The following MAST4 variants were observed in gnomAD, a reference collection of about 807,000 sequenced individuals.
MAST4 encodes microtubule associated serine/threonine kinase family member 4.
Under a neutral mutation model 162.7 loss-of-function variants are expected in MAST4, and 89 were observed. The ratio of observed to expected loss-of-function variants is 0.55; its 90% CI spans 0.46 to 0.65. The LOEUF is 0.65. Ranked by LOEUF, MAST4 falls within the 30% of genes least tolerant of loss-of-function variation. The pLI is 0.00. For synonymous variants in MAST4, 1,479 were observed against 1,361.1 expected, an observed-to-expected ratio of 1.09 and a Z score of -1.91; for missense variants, 3,153 against 3,374.0, an observed-to-expected ratio of 0.93 and a Z score of 1.62.
rs1175231127 is a variant in MAST4, at chr5:67,163,357, A to G, written c.4178A>G (p.Gln1393Arg). Reference sequence around the variant, plus strand: ...CCAACCCCGCAACCCACCTCCCCGCAGCGGTCACCATCCCCTCTTCTGGGA... The same window carrying G: ...CCAACCCCGCAACCCACCTCCCCGCGGCGGTCACCATCCCCTCTTCTGGGA... ...PSPTPQPTSP[Q>R]RSPSPLLGHS... The change falls in exon 29 of 29, where the codon CAG becomes CGG. Residue 1393 changes from glutamine (Q) to arginine (R), a missense_variant. Physicochemically the swap from Gln to Arg is conservative, Grantham distance 43 (BLOSUM62 1). This residue lies in a region of MAST4 where 619 missense variants were observed against 744.2 expected (regional missense o/e 0.83). Transcript: ENST00000403625. The surrounding 1 kb of genome is among the most constrained non-coding windows in gnomAD (Gnocchi z 7.0). 6 of 1,612,466 alleles carry G rather than the reference A, an allele frequency of 3.7e-6. No homozygotes were observed. Among genetic ancestry groups the G allele is most frequent in the African/African-American group, 2.7e-5 (2 of 74,900 alleles).
intron 5 of MAST4, among the ~76,000 whole-genome samples, chr5:67,055,237 G>A (rs1240480793): frequency 5.3e-5 from 8 of 152,120 alleles, no homozygotes; most frequent in Admixed American, 5.2e-4. Flanking sequence ...AGGATGGAAA[G>A]GCAGAGGAAG....
chr5:67,061,225 C>CT (rs1468632083), intron 5 of MAST4, among the ~76,000 whole-genome samples: 3 of 152,116 alleles, frequency 2.0e-5, no homozygotes, highest in Non-Finnish European at 2.9e-5. Flanking sequence ...TTGTTCCCCC[C>CT]TTATCACCAC....
At position 67,095,666 on chromosome 5, in the gene MAST4, T is replaced by C; in HGVS notation, c.903T>C (p.Ser301=). The C allele has an allele frequency of 6.2e-7, 1 of 1,601,242 alleles. No homozygotes were observed. Among genetic ancestry groups the C allele is most frequent in the South Asian group, 1.1e-5 (1 of 88,704 alleles). The change falls in exon 7 of 29, where the codon TCT becomes TCC. Residue 301 remains serine (S), a synonymous_variant. Coordinates refer to ENST00000403625, the MANE Select transcript of MAST4 (RefSeq NM_001164664.2). ...SSGYGTNTPS[S]TVSSSCSSQE... Reference sequence around the variant, plus strand: ...GCTATGGGACAAACACACCCAGCTCTACGGTCTCTGTAAGTGCCTGACTTT... The same window carrying C: ...GCTATGGGACAAACACACCCAGCTCCACGGTCTCTGTAAGTGCCTGACTTT...
At chr5:66,810,850 A>C (rs1165307071) in intron 3 of MAST4, among the ~76,000 whole-genome samples, 1 of 152,216 alleles carries the variant, frequency 6.6e-6, no homozygotes, top group African/African-American at 2.4e-5. Flanking sequence ...GAACTTGAGC[A>C]GAGAGGGGAG....
chr5:66,952,846 T>C (rs1744864587), intron 4 of MAST4, among the ~76,000 whole-genome samples: 1 of 152,172 alleles, frequency 6.6e-6, no homozygotes, highest in African/African-American at 2.4e-5. Context: ...CAGCCCGATC[T>C]AAAGATACTG....
intron 4 of MAST4, among the ~76,000 whole-genome samples, chr5:67,018,682 AG>A (rs1424924299): frequency 6.6e-6 from 1 of 152,160 alleles, no homozygotes; most frequent in African/African-American, 2.4e-5. Context: ...TAAGATATAG[AG>A]TATGATTGTT....
At chr5:66,997,081 C>T (rs1370933392) in intron 4 of MAST4, among the ~76,000 whole-genome samples, 1 of 152,100 alleles carries the variant, frequency 6.6e-6, no homozygotes, top group East Asian at 1.9e-4. Flanking sequence ...ATTTCCATAT[C>T]CACAAATCTG....
At chr5:66,783,756 T>C (rs1356329980) in intron 2 of MAST4, among the ~76,000 whole-genome samples, 1 of 152,096 alleles carries the variant, frequency 6.6e-6, no homozygotes, top group Non-Finnish European at 1.5e-5. Flanking sequence ...TTGTTCTCAG[T>C]GGTCTCTGCT....
chr5:66,729,140 G>A (rs1751692137), intron 1 of MAST4, among the ~76,000 whole-genome samples: 1 of 152,170 alleles, frequency 6.6e-6, no homozygotes, highest in African/African-American at 2.4e-5. Flanking sequence ...TGAAAGGAAG[G>A]GTAAGTGTGT....
intron 3 of MAST4, among the ~76,000 whole-genome samples, chr5:66,837,890 ATATATTTTTTTTTTT>A (rs1001239337): frequency 3.9e-4 from 11 of 28,074 alleles, no homozygotes; most frequent in African/African-American, 6.6e-4. Context: ...ATATATATAT[ATATATTTTTTTTTTT>A]TTTTTTTTTT....
Position 66,899,946 on chromosome 5 carries a change from T to G in MAST4, c.643-5T>G. On this transcript the variant is annotated splice_polypyrimidine_tract_variant and splice_region_variant and intron_variant, in intron 3 of 28. Coordinates refer to ENST00000403625, the MANE Select transcript of MAST4 (RefSeq NM_001164664.2). ...GCTTATATATGGTTTTTTTTTCTTTTGCAGAAGGAGCTGAGTCTCCCCAGA... is the reference window on the plus strand; with the variant it reads ...GCTTATATATGGTTTTTTTTTCTTTGGCAGAAGGAGCTGAGTCTCCCCAGA... 1 of 1,513,008 alleles carries G rather than the reference T, an allele frequency of 6.6e-7. No homozygotes were observed. Among genetic ancestry groups the G allele is most frequent in the Non-Finnish European group, 8.8e-7 (1 of 1,133,416 alleles). The allele number at this position is 1,513,008 out of a possible 1,614,324, so 93.7% of individuals were successfully genotyped here.
chr5:66,925,877 A>G (rs1428434405), intron 4 of MAST4, among the ~76,000 whole-genome samples: 3 of 152,112 alleles, frequency 2.0e-5, no homozygotes, highest in Non-Finnish European at 4.4e-5. Flanking sequence ...TAATAAGAAC[A>G]TGCTATGTTC....
At chr5:66,811,827 C>T (rs1206161719) in intron 3 of MAST4, among the ~76,000 whole-genome samples, 1 of 140,054 alleles carries the variant, frequency 7.1e-6, no homozygotes, top group Non-Finnish European at 1.7e-5. Flanking sequence ...GGATGCTTTC[C>T]TCAGAAAAGA....
At chr5:66,848,752 C>T (rs1157186365) in intron 3 of MAST4, among the ~76,000 whole-genome samples, 1 of 152,122 alleles carries the variant, frequency 6.6e-6, no homozygotes, top group South Asian at 2.1e-4. Context: ...TTTTCTTCCT[C>T]TTCTCTCCAG....
At chr5:67,133,141 A>G (rs1769198039) in intron 16 of MAST4, among the ~76,000 whole-genome samples, 1 of 152,066 alleles carries the variant, frequency 6.6e-6, no homozygotes, top group Admixed American at 6.6e-5. Flanking sequence ...TTTGAATCAC[A>G]AATGGGTTGC....
intron 3 of MAST4, chr5:66,828,715 C>T (rs1023012941): frequency 1.7e-5 from 24 of 1,403,098 alleles, no homozygotes; most frequent in South Asian, 7.8e-5. Flanking sequence ...CAGCTGACTC[C>T]GGGCTCCAAT....
chr5:66,635,161 C>T (rs1340523495), intron 1 of MAST4, among the ~76,000 whole-genome samples: 2 of 152,224 alleles, frequency 1.3e-5, no homozygotes, highest in African/African-American at 4.8e-5. Flanking sequence ...ATTATGTTGC[C>T]TATCACAGGT....
At chr5:66,790,262 T>C (rs1236302112) in intron 3 of MAST4, among the ~76,000 whole-genome samples, 1 of 152,182 alleles carries the variant, frequency 6.6e-6, no homozygotes, top group Non-Finnish European at 1.5e-5. Context: ...GTCTAGCCTC[T>C]AGTCCTGCTT....
intron 3 of MAST4, among the ~76,000 whole-genome samples, chr5:66,797,826 G>A (rs978465431): frequency 6.6e-6 from 1 of 152,154 alleles, no homozygotes; most frequent in Non-Finnish European, 1.5e-5. Flanking sequence ...GTGGGGAGTG[G>A]TAGATAAAGG....
Sources: allele counts gnomAD v4.1 joint callset (sites outside exome capture counted in the v4.1 genomes callset), GRCh38; gene constraint gnomAD v4.1.1; regional missense constraint gnomAD v4.1.1; non-coding constraint Gnocchi (gnomAD v3.1); transcripts MANE v1.5; gene names NCBI Gene and HGNC (gene_info 2026-07-23, HGNC 2026-07-21).